Variants in PDE4D observed in about 807,000 individuals in gnomAD.
PDE4D encodes the protein phosphodiesterase 4D, also known as 3',5'-cyclic-AMP phosphodiesterase 4D.
PDE4D carries 24 observed loss-of-function variants against 87.4 expected under a neutral mutation model. The observed-to-expected ratio is 0.27, with a 90% confidence interval of 0.20 to 0.39. The LOEUF is 0.39. PDE4D is among the 10% of genes least tolerant of loss of function. PDE4D has a pLI of 1.00. For missense variants in PDE4D, 714 were observed against 1,041.0 expected (o/e 0.69, Z 4.32); for synonymous variants, 384 against 383.2 (o/e 1.00, Z -0.02).
chr5:60,294,479 T>A (rs1330184097), intron 1 of PDE4D, among the ~76,000 whole-genome samples: 3 of 152,210 alleles, frequency 2.0e-5, no homozygotes, highest in African/African-American at 4.8e-5. Flanking sequence ...TCTTGAAGTA[T>A]CAGAGTTTTA....
At chr5:60,255,417 T>C (rs1748941912) in intron 1 of PDE4D, among the ~76,000 whole-genome samples, 1 of 151,904 alleles carries the variant, frequency 6.6e-6, no homozygotes, top group Non-Finnish European at 1.5e-5. Flanking sequence ...CCCTCTTTTA[T>C]ATGTCACAGT....
chr5:59,516,492 C>A (rs1247339361), intron 1 of PDE4D, among the ~76,000 whole-genome samples: 1 of 152,146 alleles, frequency 6.6e-6, no homozygotes, highest in Non-Finnish European at 1.5e-5. Context: ...TGTTTTCCTC[C>A]CTATTGCTCT....
intron 8 of PDE4D, among the ~76,000 whole-genome samples, chr5:58,991,111 T>C (rs1747807722): frequency 6.6e-6 from 1 of 151,942 alleles, no homozygotes; most frequent in African/African-American, 2.4e-5. Context: ...TGAAACCCCA[T>C]CTCCACTAAA....
chr5:59,744,473 A>T (rs1044403373), intron 1 of PDE4D, among the ~76,000 whole-genome samples: 2 of 152,188 alleles, frequency 1.3e-5, no homozygotes, highest in Non-Finnish European at 2.9e-5. Context: ...CAAAAAGCTG[A>T]TGACCTTAAC....
intron 2 of PDE4D, among the ~76,000 whole-genome samples, chr5:60,104,241 CAG>C (rs1776581516): frequency 6.6e-6 from 1 of 152,230 alleles, no homozygotes; most frequent in Admixed American, 6.5e-5. Flanking sequence ...CCTACGCCCA[CAG>C]AGTCTCGCTG....
At chr5:59,641,720 A>G (rs2150195687) in intron 1 of PDE4D, among the ~76,000 whole-genome samples, 1 of 152,344 alleles carries the variant, frequency 6.6e-6, no homozygotes, top group African/African-American at 2.4e-5. Context: ...TCTTACTAAT[A>G]ATCAAATAAA....
chr5:60,113,069 C>A (rs1050965982), intron 2 of PDE4D, among the ~76,000 whole-genome samples: 57 of 152,122 alleles, frequency 3.7e-4, no homozygotes, highest in African/African-American at 1.3e-3. Context: ...AAAGTCCAGT[C>A]ATGTACTTTT....
intron 5 of PDE4D, chr5:59,039,292 G>C: frequency 9.3e-7 from 1 of 1,077,384 alleles, no homozygotes; most frequent in Non-Finnish European, 1.1e-6. Context: ...TTTCAACTGT[G>C]CGGCGGGCCC....
At chr5:60,323,051 AC>A (rs1389542196) in intron 1 of PDE4D, among the ~76,000 whole-genome samples, 1 of 152,164 alleles carries the variant, frequency 6.6e-6, no homozygotes, top group East Asian at 1.9e-4. Context: ...ATCTTCGTTC[AC>A]ATAGATGTGA....
intron 1 of PDE4D, among the ~76,000 whole-genome samples, chr5:59,691,081 G>A (rs945839044): frequency 1.3e-5 from 2 of 152,208 alleles, no homozygotes; most frequent in African/African-American, 2.4e-5. Flanking sequence ...ACAGGTGCTA[G>A]AGAGGATGTG....
rs539235430 is a variant in PDE4D, at chr5:59,710,917, T to C, written c.455+182251A>G. On this transcript the variant is annotated intron_variant, in intron 1 of 14. Transcript: ENST00000340635. ...ATATGTGATACTAACAATAGCCTAA[T>C]AAGGTACCATAACTCCATGTACATT... is the stretch of plus-strand genomic sequence containing the variant. Among the ~76,000 whole-genome samples, 311 of 152,296 alleles carry C rather than the reference T, an allele frequency of 2.0e-3. 1 individual carries two copies. The highest frequency in any genetic ancestry group is 7.1e-3 in the African/African-American group (294 of 41,576).
At chr5:59,353,113 C>A (rs938011478) in intron 1 of PDE4D, among the ~76,000 whole-genome samples, 1 of 152,160 alleles carries the variant, frequency 6.6e-6, no homozygotes, top group African/African-American at 2.4e-5. Context: ...ATAGTACCTA[C>A]CCCAAACTTG....
At chr5:59,340,327 T>G (rs905501103) in intron 1 of PDE4D, among the ~76,000 whole-genome samples, 24 of 152,206 alleles carry the variant, frequency 1.6e-4, no homozygotes, top group Non-Finnish European at 2.6e-4. Flanking sequence ...CAACATGTAA[T>G]TTTAAATTTT....
chr5:60,084,503 A>G (rs1365575363), intron 2 of PDE4D, among the ~76,000 whole-genome samples: 1 of 152,216 alleles, frequency 6.6e-6, no homozygotes, highest in East Asian at 1.9e-4. Flanking sequence ...TCCAGAAAAA[A>G]AAAAATCTGC....
Position 60,244,318 on chromosome 5 carries a change from C to T in PDE4D, c.-89-58631G>A, listed in dbSNP as rs545724412. Among the ~76,000 whole-genome samples, 13 of 151,754 alleles carry T rather than the reference C, an allele frequency of 8.6e-5. No individual in the cohort carries two copies. The East Asian group carries it at 1.4e-3, about 16-fold the overall frequency. On this transcript the variant is annotated intron_variant, in intron 1 of 16. Transcript: ENST00000502484. Reference sequence around the variant, plus strand: ...TTGAAGAGGACACAAAAAGATGGAACGATATCCCATGTTCATGGACTGGAA... The same window carrying T: ...TTGAAGAGGACACAAAAAGATGGAATGATATCCCATGTTCATGGACTGGAA...
At chr5:59,687,104 C>T (rs1366500093) in intron 1 of PDE4D, among the ~76,000 whole-genome samples, 1 of 152,050 alleles carries the variant, frequency 6.6e-6, no homozygotes, top group African/African-American at 2.4e-5. Context: ...AAATACTCAG[C>T]ACCTCAAATT....
intron 1 of PDE4D, among the ~76,000 whole-genome samples, chr5:59,606,554 C>T (rs1269004863): frequency 6.6e-6 from 1 of 152,052 alleles, no homozygotes; most frequent in Admixed American, 6.6e-5. Context: ...CTGAGCTGTG[C>T]TTGGACACCA....
At chr5:60,439,712 A>G (rs752982070) in intron 1 of PDE4D, among the ~76,000 whole-genome samples, 2 of 151,864 alleles carry the variant, frequency 1.3e-5, no homozygotes, top group Non-Finnish European at 2.9e-5. Context: ...ATAAATCTCA[A>G]TTCCACCCAC....
chr5:60,019,070 A>G (rs1218567903), intron 2 of PDE4D, among the ~76,000 whole-genome samples: 1 of 152,194 alleles, frequency 6.6e-6, no homozygotes, highest in Non-Finnish European at 1.5e-5. Flanking sequence ...TCTAAAATCA[A>G]TCACATAATT....
Sources: allele counts gnomAD v4.1 joint callset (sites outside exome capture counted in the v4.1 genomes callset), GRCh38; gene constraint gnomAD v4.1.1; transcripts MANE v1.5; gene names NCBI Gene and HGNC (gene_info 2026-07-23, HGNC 2026-07-21).